Variants in RNF13 observed in about 807,000 individuals in gnomAD.
RNF13 encodes the protein E3 ubiquitin-protein ligase RNF13.
A neutral mutation model predicts 37.7 loss-of-function variants in RNF13; 19 were observed. That is an observed-to-expected ratio of 0.50 (90% CI 0.35 to 0.74). The LOEUF (loss-of-function observed/expected upper bound fraction) is 0.74, where lower values mean the gene tolerates loss of function less well. Among genes scored for constraint, RNF13 ranks in the 30% least tolerant of loss-of-function variants. The pLI is 0.01. For missense variants in RNF13, 375 were observed against 453.0 expected, an observed-to-expected ratio of 0.83 and a Z score of 1.56; for synonymous variants, 144 against 157.8, an observed-to-expected ratio of 0.91 and a Z score of 0.65.
In RNF13 at chr3:149,928,108, A is replaced by AT. The variant is rs1423095776; in HGVS notation, c.700+6882dup. Among the ~76,000 whole-genome samples, 7 of 151,204 alleles carry AT rather than the reference A, an allele frequency of 4.6e-5. No individual in the cohort carries two copies. The East Asian group carries it at 1.4e-3, about 30-fold the overall frequency. On this transcript the variant is annotated intron_variant, in intron 8 of 9. Coordinates refer to ENST00000392894, the MANE Select transcript of RNF13 (RefSeq NM_183381.3). ...TTGAAAGACTTAATATTGTTAAGATATCAAGACTACCCAAAGCAGTCTACA... is the reference window on the plus strand; with the variant it reads ...TTGAAAGACTTAATATTGTTAAGATATTCAAGACTACCCAAAGCAGTCTACA...
chr3:149,840,305 A>G (rs1576744715), intron 1 of RNF13, among the ~76,000 whole-genome samples: 1 of 152,170 alleles, frequency 6.6e-6, no homozygotes, highest in African/African-American at 2.4e-5. Context: ...GGTAGTTCTC[A>G]AGAGTTTCTT....
intron 7 of RNF13, among the ~76,000 whole-genome samples, chr3:149,916,536 A>C (rs949361766): frequency 1.3e-5 from 2 of 152,140 alleles, no homozygotes; most frequent in Admixed American, 6.6e-5. Flanking sequence ...TTTTAGTAGA[A>C]CTTAATGCTA....
intron 3 of RNF13, among the ~76,000 whole-genome samples, chr3:149,856,236 GTT>G (rs144958448): frequency 0.012 from 1,831 of 152,126 alleles, 31 homozygotes; most frequent in African/African-American, 0.041. Flanking sequence ...AGCTTTTATA[GTT>G]GCGTGACTGG....
chr3:149,846,288 A>G (rs6440641), intron 2 of RNF13, 148 bp downstream of exon 2: 464,537 of 542,376 alleles, frequency 0.86, 199,497 homozygotes, highest in African/African-American at 0.92. Context: ...CTTGACATTG[A>G]GGTACCTTAT....
chr3:149,891,873 T>C (rs1368235314), intron 4 of RNF13, among the ~76,000 whole-genome samples: 1 of 152,250 alleles, frequency 6.6e-6, no homozygotes, highest in Non-Finnish European at 1.5e-5. Flanking sequence ...GCCTCATGTG[T>C]TCTTAAAAAT....
intron 3 of RNF13, among the ~76,000 whole-genome samples, chr3:149,867,466 C>T (rs1029793773): frequency 2.6e-5 from 4 of 151,480 alleles, no homozygotes; most frequent in African/African-American, 9.7e-5. Flanking sequence ...TGGGGTTTCA[C>T]GTGTTAGCCA....
rs1244376008 is a variant in RNF13 at position 149,904,090 on chromosome 3, CT to C, written c.500+1929del. Among the ~76,000 whole-genome samples, 4 of 152,146 alleles carry C rather than the reference CT, an allele frequency of 2.6e-5. No individual in the cohort carries two copies. In the East Asian group the frequency reaches 5.8e-4, roughly 22 times the overall value. ...GCCCCCTCTCTTTCAGTGGGCAGAACTAGGAAATATATATGGCTTTTAAAGA... is the reference window on the plus strand; with the variant it reads ...GCCCCCTCTCTTTCAGTGGGCAGAACAGGAAATATATATGGCTTTTAAAGA... On this transcript the variant is annotated intron_variant, in intron 6 of 9. Transcript: ENST00000392894.
intron 1 of RNF13, among the ~76,000 whole-genome samples, chr3:149,837,284 T>A (rs1721719170): frequency 6.6e-6 from 1 of 152,200 alleles, no homozygotes; most frequent in Non-Finnish European, 1.5e-5. Flanking sequence ...GTGTAATGAA[T>A]CTCAATGTAA....
chr3:149,929,877 C>T (rs953287809), intron 8 of RNF13, among the ~76,000 whole-genome samples: 1 of 152,022 alleles, frequency 6.6e-6, no homozygotes, highest in African/African-American at 2.4e-5. Context: ...CTATTCTGTC[C>T]CATTTATCTA....
intron 4 of RNF13, among the ~76,000 whole-genome samples, chr3:149,886,526 G>A (rs1163862449): frequency 6.6e-6 from 1 of 152,086 alleles, no homozygotes; most frequent in Admixed American, 6.6e-5. Context: ...TTGATTGATT[G>A]ATCGAGATAT....
intron 8 of RNF13, among the ~76,000 whole-genome samples, chr3:149,954,649 A>C (rs981121458): frequency 6.6e-6 from 1 of 152,218 alleles, no homozygotes; most frequent in Non-Finnish European, 1.5e-5. Context: ...CACTTTGGGG[A>C]CAGGATCTTA....
At chr3:149,946,838 C>T (rs539564858) in intron 8 of RNF13, among the ~76,000 whole-genome samples, 2 of 152,204 alleles carry the variant, frequency 1.3e-5, no homozygotes, top group East Asian at 1.9e-4. Context: ...GTGGATTTAG[C>T]TTATTTTTCA....
rs2631548 is a variant in RNF13 at position 149,897,675 on chromosome 3, A to G, written c.409+2115A>G. ...TAAACGTTTTATATGTACAGAGACA[A>G]ATGTTGTAAAGATCTTTACCATTTT... On this transcript the variant is annotated intron_variant, in intron 5 of 9. Coordinates refer to ENST00000392894, the MANE Select transcript of RNF13 (RefSeq NM_183381.3). Among the ~76,000 whole-genome samples, 76 of 152,320 alleles carry G rather than the reference A, an allele frequency of 5.0e-4. 1 individual carries two copies. The East Asian group carries it at 0.014, about 28-fold the overall frequency.
intron 1 of RNF13, among the ~76,000 whole-genome samples, chr3:149,840,049 T>C (rs1197019251): frequency 6.6e-6 from 1 of 152,188 alleles, no homozygotes; most frequent in Non-Finnish European, 1.5e-5. Context: ...CTTGTAAACT[T>C]GAAGTGAGAG....
chr3:149,823,993 C>G (rs1428958613), intron 1 of RNF13, among the ~76,000 whole-genome samples: 1 of 152,010 alleles, frequency 6.6e-6, no homozygotes, highest in African/African-American at 2.4e-5. Context: ...AGGAAAAGTA[C>G]AAGGCAGGAC....
chr3:149,947,208 T>A (rs1347126290), intron 8 of RNF13, among the ~76,000 whole-genome samples: 1 of 152,058 alleles, frequency 6.6e-6, no homozygotes, highest in Non-Finnish European at 1.5e-5. Context: ...GAATATTACA[T>A]GTGCGTTTGA....
At chr3:149,948,784 T>C (rs1227979970) in intron 8 of RNF13, among the ~76,000 whole-genome samples, 1 of 152,228 alleles carries the variant, frequency 6.6e-6, no homozygotes, top group African/African-American at 2.4e-5. Flanking sequence ...CGCAGCACTT[T>C]GGGAGGCCAA....
intron 1 of RNF13, among the ~76,000 whole-genome samples, chr3:149,825,063 A>G (rs931719583): frequency 1.3e-5 from 2 of 151,262 alleles, no homozygotes; most frequent in African/African-American, 4.9e-5. Flanking sequence ...GGCTCAAGCA[A>G]TCCTTCTGCC....
At chr3:149,960,613 TA>T in intron 9 of RNF13, 126 bp from the exon 10 acceptor site, 1 of 917,348 alleles carries the variant, frequency 1.1e-6, no homozygotes, top group Non-Finnish European at 1.5e-6. Flanking sequence ...AAAATAAAAA[TA>T]AAAAATAAAC....
Sources: gnomAD v4.1 joint callset for allele counts (sites outside exome capture counted in the v4.1 genomes callset) on GRCh38, gnomAD v4.1.1 for gene constraint, MANE v1.5 for transcripts, NCBI Gene and HGNC (gene_info 2026-07-23, HGNC 2026-07-21) for gene names.